SLCO1B1: variants seen among roughly 807,000 people sequenced by gnomAD.
The protein encoded by SLCO1B1 is solute carrier organic anion transporter family member 1B1, also known as OATP-2.
SLCO1B1 carries 81 observed loss-of-function variants against 70.1 expected under a neutral mutation model. The ratio of observed to expected loss-of-function variants is 1.16; its 90% confidence interval spans 0.97 to 1.39. The LOEUF is 1.39. SLCO1B1 is among the 40% of genes most tolerant of loss of function. The pLI is 0.00. For synonymous variants in SLCO1B1, 283 were observed against 271.5 expected, an observed-to-expected ratio of 1.04 and a Z score of -0.42; for missense variants, 895 against 799.6, an observed-to-expected ratio of 1.12 and a Z score of -1.44.
At chr12:21,235,302 A>T (rs1406294701) in intron 14 of SLCO1B1, among the ~76,000 whole-genome samples, 1 of 151,362 alleles carries the variant, frequency 6.6e-6, no homozygotes, top group Admixed American at 6.6e-5. Context: ...TAATGCACTT[A>T]CTTGGTTTTT....
intron 1 of SLCO1B1, among the ~76,000 whole-genome samples, chr12:21,135,348 G>A (rs2121024518): frequency 6.6e-6 from 1 of 152,154 alleles, no homozygotes; most frequent in East Asian, 1.9e-4. Context: ...TGTCTATTAG[G>A]TCCGCTTGGT....
intron 11 of SLCO1B1, among the ~76,000 whole-genome samples, chr12:21,209,284 C>T (rs945382536): frequency 3.4e-4 from 52 of 151,960 alleles, no homozygotes; most frequent in African/African-American, 1.1e-3. Flanking sequence ...GTTCAATTCC[C>T]ACCTATGAGT....
intron 2 of SLCO1B1, among the ~76,000 whole-genome samples, chr12:21,158,978 T>C (rs1379706428): frequency 6.6e-6 from 1 of 152,194 alleles, no homozygotes; most frequent in Non-Finnish European, 1.5e-5. Context: ...AATGTACATA[T>C]AATCCATAAT....
chr12:21,198,872 C>T (rs984920106), intron 8 of SLCO1B1, among the ~76,000 whole-genome samples: 1 of 152,024 alleles, frequency 6.6e-6, no homozygotes, highest in African/African-American at 2.4e-5. Context: ...GAAGTTTACA[C>T]TGGATGACAT....
chr12:21,199,889 C>T (rs939826248), intron 8 of SLCO1B1, among the ~76,000 whole-genome samples: 7 of 151,936 alleles, frequency 4.6e-5, no homozygotes, highest in African/African-American at 1.7e-4. Context: ...GCAACCTTCG[C>T]CTCCCTAATT....
chr12:21,147,236 C>T (rs1448420291), intron 2 of SLCO1B1, among the ~76,000 whole-genome samples: 1 of 152,050 alleles, frequency 6.6e-6, no homozygotes, highest in Non-Finnish European at 1.5e-5. Context: ...TTTAGATTGT[C>T]TTGCTTTGTT....
chr12:21,181,795 A>C (rs1225603875), intron 7 of SLCO1B1, among the ~76,000 whole-genome samples: 4 of 152,128 alleles, frequency 2.6e-5, no homozygotes, highest in African/African-American at 9.7e-5. Context: ...ATATATTGAA[A>C]AAATTTGGGG....
intron 14 of SLCO1B1, among the ~76,000 whole-genome samples, chr12:21,229,922 G>T (rs1426594509): frequency 6.6e-6 from 1 of 152,150 alleles, no homozygotes; most frequent in Non-Finnish European, 1.5e-5. Context: ...GGTGAGAGGG[G>T]ACGTTTTTGA....
chr12:21,141,535 T>TCAA lies in SLCO1B1; in HGVS notation c.-33_-31dup. The TCAA allele has an allele frequency of 7.9e-7, 1 of 1,264,312 alleles. No homozygotes were observed. Among genetic ancestry groups the TCAA allele is most frequent in the Non-Finnish European group, 1.2e-6 (1 of 864,526 alleles). The allele number at this position is 1,264,312 out of a possible 1,614,324, so 78.3% of individuals were successfully genotyped here. A position where few individuals can be genotyped will look rare whatever the true frequency, so the allele number is the denominator to read the frequency against. On this transcript the variant is annotated 5_prime_UTR_variant, in exon 2 of 15. Coordinates refer to ENST00000256958, the MANE Select transcript of SLCO1B1 (RefSeq NM_006446.5). ...ATAGGTGATTGTTTCAAACTGAGCA[T>TCAA]CAACAACAAAAACATTTGTATGATA...
intron 2 of SLCO1B1, among the ~76,000 whole-genome samples, chr12:21,154,041 G>T (rs1940507668): frequency 6.6e-6 from 1 of 151,374 alleles, no homozygotes; most frequent in South Asian, 2.1e-4. Flanking sequence ...TGTATCTATT[G>T]ATATAGTTAG....
At chr12:21,147,753 G>A (rs1474442255) in intron 2 of SLCO1B1, among the ~76,000 whole-genome samples, 1 of 152,158 alleles carries the variant, frequency 6.6e-6, no homozygotes, top group Admixed American at 6.5e-5. Flanking sequence ...ACATGTGCAT[G>A]TGTCTTTATA....
At chr12:21,161,437 C>T (rs915465187) in intron 2 of SLCO1B1, among the ~76,000 whole-genome samples, 2 of 152,158 alleles carry the variant, frequency 1.3e-5, no homozygotes, top group Admixed American at 1.3e-4. Flanking sequence ...CATGTTCTCA[C>T]TTATAAGTGG....
chr12:21,181,810 T>A lies in SLCO1B1; in HGVS notation c.727+2790T>A, dbSNP rs545195797. Among the ~76,000 whole-genome samples, 12 of 152,080 alleles carry A rather than the reference T, an allele frequency of 7.9e-5. No individual in the cohort carries two copies. The East Asian group carries it at 2.3e-3, about 29-fold the overall frequency. On this transcript the variant is annotated intron_variant, in intron 7 of 14. Transcript: ENST00000256958. ...ATATATTGAAAAAATTTGGGGAGAT[T>A]TGTGAAAATTTGAGAAAATTTATAG...
intron 2 of SLCO1B1, chr12:21,164,991 C>A (rs149882295): frequency 6.9e-5 from 25 of 361,678 alleles, no homozygotes; most frequent in South Asian, 5.1e-4. Flanking sequence ...TTCCTCTGTA[C>A]CTGCCTCAAC....
intron 8 of SLCO1B1, among the ~76,000 whole-genome samples, chr12:21,199,888 G>A (rs1292314882): frequency 2.6e-5 from 4 of 151,764 alleles, no homozygotes; most frequent in Non-Finnish European, 5.9e-5. Context: ...TGCAACCTTC[G>A]CCTCCCTAAT....
chr12:21,169,826 T>TA (rs991175735), intron 2 of SLCO1B1, among the ~76,000 whole-genome samples: 7 of 152,178 alleles, frequency 4.6e-5, no homozygotes, highest in Admixed American at 3.3e-4. Context: ...TTTTAACATT[T>TA]AAAAAATCAG....
Position 21,200,508 on chromosome 12 carries a change from G to T in SLCO1B1, c.971G>T (p.Gly324Val), listed in dbSNP as rs1565680323. The change falls in exon 9 of 15, where the codon GGT (glycine) becomes GTT (valine). Residue 324 changes from glycine (G) to valine (V), a missense_variant and splice_region_variant. Physicochemically the swap from Gly to Val is moderately radical, Grantham distance 109. Coordinates refer to ENST00000256958, the MANE Select transcript of SLCO1B1 (RefSeq NM_006446.5). ...QGKNITKNVT[G>V]FFQSFKSILT... The stretch of plus-strand genomic sequence containing the variant: ...TTTCTTTATTTTTACAATTTTACAG[G>T]TTTTTTCCAGTCTTTTAAAAGCATC... 9 of 1,556,202 alleles carry T rather than the reference G, an allele frequency of 5.8e-6. No individual in the cohort carries two copies. Among genetic ancestry groups the T allele is most frequent in the Non-Finnish European group, 7.8e-6 (9 of 1,149,786 alleles).
intron 8 of SLCO1B1, among the ~76,000 whole-genome samples, chr12:21,200,068 T>C (rs1941138377): frequency 6.6e-6 from 1 of 152,182 alleles, no homozygotes; most frequent in African/African-American, 2.4e-5. Context: ...CCCAAAGTGC[T>C]AGGATTACAG....
intron 11 of SLCO1B1, among the ~76,000 whole-genome samples, chr12:21,213,397 C>T (rs936220153): frequency 1.3e-5 from 2 of 151,880 alleles, no homozygotes; most frequent in Non-Finnish European, 2.9e-5. Context: ...TTGGCCCCCA[C>T]TCTCTTCTGG....
Sources: allele counts gnomAD v4.1 joint callset (sites outside exome capture counted in the v4.1 genomes callset), GRCh38; gene constraint gnomAD v4.1.1; transcripts MANE v1.5; gene names NCBI Gene and HGNC (gene_info 2026-07-23, HGNC 2026-07-21).